Variants in CADPS2 observed in about 807,000 individuals in gnomAD.
CADPS2 encodes the protein calcium dependent secretion activator 2, also known as calcium-dependent secretion activator 2.
In CADPS2, 93 loss-of-function variants were observed where a neutral mutation model predicts 172.5. That is an observed-to-expected ratio of 0.54 (90% CI 0.46 to 0.64). The LOEUF (loss-of-function observed/expected upper bound fraction) is 0.64, where lower values mean the gene tolerates loss of function less well. Ranked by LOEUF, CADPS2 falls within the 30% of genes least tolerant of loss-of-function variation. The pLI, the probability that CADPS2 is intolerant of heterozygous loss-of-function variation, is 0.00. For synonymous variants in CADPS2, 546 were observed against 555.2 expected (o/e 0.98, Z 0.23); for missense variants, 1,420 against 1,565.9 (o/e 0.91, Z 1.57).
At chr7:122,760,815 G>A (rs150851460) in intron 1 of CADPS2, among the ~76,000 whole-genome samples, 2,446 of 130,524 alleles carry the variant, frequency 0.019, 30 homozygotes, top group Non-Finnish European at 0.026. Context: ...CCTGTTGTGG[G>A]GTGGGGGGAG....
chr7:122,696,011 G>T (rs1442473742), intron 2 of CADPS2, among the ~76,000 whole-genome samples: 2 of 152,150 alleles, frequency 1.3e-5, no homozygotes, highest in African/African-American at 2.4e-5. Flanking sequence ...TAGGTGCAGG[G>T]ACTGCCAACA....
intron 23 of CADPS2, among the ~76,000 whole-genome samples, chr7:122,387,392 T>G (rs775241690): frequency 4.6e-5 from 7 of 152,084 alleles, no homozygotes; most frequent in Admixed American, 6.6e-5. Context: ...CCTAGCTTCA[T>G]GCAGTCACTC....
At chr7:122,651,992 C>T (rs78146910) in intron 3 of CADPS2, among the ~76,000 whole-genome samples, 1,596 of 152,234 alleles carry the variant, frequency 0.01, 25 homozygotes, top group African/African-American at 0.035. Flanking sequence ...CAGTAGTCAA[C>T]GATGTGAAGT....
At position 122,679,675 on chromosome 7, in the gene CADPS2, C is replaced by T. The variant is rs147746847; in HGVS notation, c.454-16106G>A. ...TGGTTTTACGGCTCAGGGGGCATCA[C>T]GGAACCTGCCGACATATTATGTCTC... On this transcript the variant is annotated intron_variant, in intron 2 of 29. Transcript: ENST00000449022. 4.1e-3 allele frequency among the ~76,000 whole-genome samples: 620 copies of T among 152,256 alleles called. 3 individuals carry two copies. Among genetic ancestry groups the T allele is most frequent in the Middle Eastern group, 6.8e-3 (2 of 294 alleles).
chr7:122,844,763 A>G (rs1306283775), intron 1 of CADPS2, among the ~76,000 whole-genome samples: 2 of 152,198 alleles, frequency 1.3e-5, no homozygotes, highest in Non-Finnish European at 2.9e-5. Context: ...AGGAAGTCTG[A>G]TGTGATTAAA....
intron 1 of CADPS2, among the ~76,000 whole-genome samples, chr7:122,845,390 C>T (rs1177479627): frequency 2.0e-5 from 3 of 152,146 alleles, no homozygotes; most frequent in East Asian, 3.8e-4. Context: ...CAACCACAAG[C>T]GTGGCACTGC....
chr7:122,767,946 A>C (rs2093603532), intron 1 of CADPS2, among the ~76,000 whole-genome samples: 1 of 152,146 alleles, frequency 6.6e-6, no homozygotes, highest in Admixed American at 6.6e-5. Context: ...CAATAAGCCT[A>C]CATTCCTTTT....
intron 2 of CADPS2, among the ~76,000 whole-genome samples, chr7:122,688,506 G>A (rs1310355620): frequency 6.6e-6 from 1 of 152,180 alleles, no homozygotes; most frequent in Non-Finnish European, 1.5e-5. Flanking sequence ...ATAGGTAGAT[G>A]AAATATGGCT....
intron 1 of CADPS2, among the ~76,000 whole-genome samples, chr7:122,839,304 T>C (rs979951732): frequency 2.0e-5 from 3 of 152,224 alleles, no homozygotes; most frequent in South Asian, 2.1e-4. Context: ...ACTTAAATGT[T>C]AGACCTAAAA....
At chr7:122,727,239 C>T (rs2091200488) in intron 2 of CADPS2, among the ~76,000 whole-genome samples, 1 of 151,868 alleles carries the variant, frequency 6.6e-6, no homozygotes, top group African/African-American at 2.4e-5. Context: ...CAAACATAAG[C>T]ATCTCAGATC....
chr7:122,572,359 T>G (rs1417449102), intron 7 of CADPS2, among the ~76,000 whole-genome samples: 5 of 152,140 alleles, frequency 3.3e-5, no homozygotes, highest in Non-Finnish European at 7.4e-5. Flanking sequence ...CTTTATAGTT[T>G]TATCTATGCT....
intron 2 of CADPS2, among the ~76,000 whole-genome samples, chr7:122,705,645 T>C (rs1203888726): frequency 2.0e-5 from 2 of 99,566 alleles, no homozygotes; most frequent in East Asian, 4.8e-4. Flanking sequence ...ATATAATATA[T>C]TATATAATAT....
intron 10 of CADPS2, among the ~76,000 whole-genome samples, chr7:122,490,908 T>C (rs2058224724): frequency 6.6e-6 from 1 of 152,120 alleles, no homozygotes; most frequent in African/African-American, 2.4e-5. Flanking sequence ...AGTATTAATA[T>C]GAAGGGAGAG....
intron 2 of CADPS2, among the ~76,000 whole-genome samples, chr7:122,709,697 C>T (rs1393394737): frequency 1.3e-5 from 2 of 152,026 alleles, no homozygotes; most frequent in African/African-American, 2.4e-5. Context: ...GAAAATATGG[C>T]ATATATACAC....
At chr7:122,645,276 TAC>T (rs1299421824) in intron 3 of CADPS2, among the ~76,000 whole-genome samples, 19 of 140,884 alleles carry the variant, frequency 1.3e-4, no homozygotes, top group South Asian at 2.2e-4. Context: ...TGTACATATA[TAC>T]ACACATATGT....
intron 15 of CADPS2, among the ~76,000 whole-genome samples, chr7:122,442,875 C>A (rs906380011): frequency 2.6e-5 from 4 of 152,144 alleles, no homozygotes; most frequent in Middle Eastern, 3.2e-3. Flanking sequence ...CCGCTACTCT[C>A]CACCCACACG....
chr7:122,779,508 T>A (rs1792113687), intron 1 of CADPS2, among the ~76,000 whole-genome samples: 1 of 152,128 alleles, frequency 6.6e-6, no homozygotes. Context: ...CAAGCTCAAA[T>A]CTGCCCTCTC....
intron 5 of CADPS2, among the ~76,000 whole-genome samples, chr7:122,616,740 G>A (rs961112941): frequency 3.9e-5 from 6 of 152,060 alleles, no homozygotes; most frequent in Non-Finnish European, 8.8e-5. Flanking sequence ...AAATTGGGAT[G>A]AAATACTAAA....
chr7:122,365,128 G>C (rs17144333), intron 25 of CADPS2, among the ~76,000 whole-genome samples: 21,825 of 152,108 alleles, frequency 0.14, 1,607 homozygotes, highest in Non-Finnish European at 0.15. Context: ...CTTCTTCAGA[G>C]CACGAAGCAG....
Sources: gnomAD v4.1 joint callset for allele counts (sites outside exome capture counted in the v4.1 genomes callset) on GRCh38, gnomAD v4.1.1 for gene constraint, MANE v1.5 for transcripts, NCBI Gene and HGNC (gene_info 2026-07-23, HGNC 2026-07-21) for gene names.